Variants in ECM2 observed in about 807,000 individuals in gnomAD.
ECM2 encodes the protein extracellular matrix protein 2, female organ and adipocyte specific.
Under a neutral mutation model 67.5 loss-of-function variants are expected in ECM2, and 57 were observed. That is an observed-to-expected ratio of 0.84 (90% CI 0.68 to 1.05). The LOEUF (loss-of-function observed/expected upper bound fraction) is 1.05, where lower values mean the gene tolerates loss of function less well. Among genes scored for constraint, ECM2 ranks in the 50% least tolerant of loss-of-function variants. ECM2 has a pLI of 0.00. For synonymous variants in ECM2, 258 were observed against 294.5 expected (o/e 0.88, Z 1.27); for missense variants, 741 against 822.8 (o/e 0.90, Z 1.22).
chr9:92,533,358 T>TATATATATGCTTTGGG (rs1554683178), intron 1 of ECM2, among the ~76,000 whole-genome samples: 1 of 126,988 alleles, frequency 7.9e-6, no homozygotes, highest in East Asian at 2.5e-4. Context: ...TATATATATA[T>TATATATATGCTTTGGG]GCTTTGGGTC....
chr9:92,501,019 G>A lies in ECM2; in HGVS notation c.1639C>T (p.Leu547Phe). Residue 547 changes from leucine to phenylalanine, a missense_variant, in exon 9 of 10, where the codon CTC becomes TTC. Physicochemically the swap from Leu to Phe is conservative, Grantham distance 22 (BLOSUM62 0). Transcript: ENST00000344604. ...GGTAGATAGGACGGGACGTGATAGA[G>A]CTTGTTGTAGGAGAGATCAATGGAT... Reference protein sequence around the residue: ...LESIDLSYNKLYHVPSYLPKS... With the variant: ...LESIDLSYNKFYHVPSYLPKS... 6.2e-7 allele frequency: 1 copy of A among 1,614,174 alleles called. No individual in the cohort carries two copies. Among genetic ancestry groups the A allele is most frequent in the East Asian group, 2.2e-5 (1 of 44,888 alleles).
the ECM2 span, among the ~76,000 whole-genome samples, chr9:92,551,983 G>GA: frequency 0.016 from 923 of 56,210 alleles, 63 homozygotes; most frequent in African/African-American, 0.14. Flanking sequence ...ATATGTGTGT[G>GA]TATATATGTG....
At chr9:92,518,239 C>T (rs1002234911) in intron 2 of ECM2, among the ~76,000 whole-genome samples, 6 of 152,202 alleles carry the variant, frequency 3.9e-5, no homozygotes, top group Admixed American at 1.3e-4. Context: ...CACAGGGGCT[C>T]AGCTCATCAT....
At chr9:92,529,482 A>G (rs776168277) in intron 1 of ECM2, among the ~76,000 whole-genome samples, 10 of 152,218 alleles carry the variant, frequency 6.6e-5, no homozygotes, top group African/African-American at 1.9e-4. Context: ...ATGAAAATCT[A>G]TGTCCACACA....
downstream of ECM2, chr9:92,493,977 C>T (rs1846241996): frequency 2.7e-6 from 3 of 1,095,410 alleles, no homozygotes; most frequent in African/African-American, 1.6e-5. Context: ...GCCGTAGTCT[C>T]CTGGCGGCCC....
chr9:92,499,626 C>A (rs1040454082), intron 9 of ECM2, among the ~76,000 whole-genome samples: 1 of 152,184 alleles, frequency 6.6e-6, no homozygotes, highest in Non-Finnish European at 1.5e-5. Context: ...AAGCATATGG[C>A]ACAACCTGTG....
chr9:92,526,046 A>G (rs1848390224), intron 1 of ECM2, among the ~76,000 whole-genome samples: 1 of 152,148 alleles, frequency 6.6e-6, no homozygotes, highest in Admixed American at 6.6e-5. Flanking sequence ...TTAAACAAAC[A>G]TTAACTGCGC....
At chr9:92,505,427 A>C in intron 7 of ECM2, 106 bp downstream of exon 7, 1 of 1,029,050 alleles carries the variant, frequency 9.7e-7, no homozygotes, top group Non-Finnish European at 1.4e-6. Flanking sequence ...ATACAGCATG[A>C]AACTAGAGTT....
the ECM2 span, among the ~76,000 whole-genome samples, chr9:92,552,040 ATAT>A: frequency 1.1e-4 from 10 of 93,718 alleles, 1 homozygote; most frequent in African/African-American, 3.2e-4. Flanking sequence ...CATATATGTG[ATAT>A]TATAGGTCTA....
chr9:92,519,469 T>C (rs1847929360), intron 2 of ECM2, among the ~76,000 whole-genome samples: 1 of 152,216 alleles, frequency 6.6e-6, no homozygotes, highest in Admixed American at 6.5e-5. Context: ...AGTATAAGCA[T>C]AGACGTATAG....
At chr9:92,546,462 T>C in the ECM2 span, among the ~76,000 whole-genome samples, 1 of 152,156 alleles carries the variant, frequency 6.6e-6, no homozygotes, top group African/African-American at 2.4e-5. Context: ...GCTTCGCTCC[T>C]GAAGCCAGCG....
intron 2 of ECM2, 124 bp downstream of exon 2, chr9:92,522,451 G>A: frequency 9.1e-7 from 1 of 1,101,614 alleles, no homozygotes; most frequent in South Asian, 2.0e-5. Flanking sequence ...TAATAACCTG[G>A]ATTTTTCTTT....
intron 3 of ECM2, among the ~76,000 whole-genome samples, chr9:92,516,064 C>CT (rs869200958): frequency 3.4e-5 from 5 of 148,756 alleles, no homozygotes; most frequent in Non-Finnish European, 6.0e-5. Context: ...ACAGTGCATA[C>CT]TTTTTTTTCC....
the ECM2 span, among the ~76,000 whole-genome samples, chr9:92,546,337 C>T: frequency 6.6e-6 from 1 of 152,200 alleles, no homozygotes; most frequent in Non-Finnish European, 1.5e-5. Flanking sequence ...CAGAGGTCCC[C>T]TTCCACTGTG....
At chr9:92,537,001 G>T (rs563962496), upstream of ECM2, among the ~76,000 whole-genome samples, 38 of 151,604 alleles carry the variant, frequency 2.5e-4, no homozygotes, top group African/African-American at 9.2e-4. Context: ...TCCCGAGTAG[G>T]TGGGCTTAAA....
intron 4 of ECM2, among the ~76,000 whole-genome samples, chr9:92,514,274 C>CTTTTTT (rs1044226766): frequency 2.3e-5 from 3 of 130,748 alleles, no homozygotes; most frequent in South Asian, 2.5e-4. Flanking sequence ...GAGTCATTTA[C>CTTTTTT]TTTTTTTTTT....
intron 7 of ECM2, among the ~76,000 whole-genome samples, chr9:92,504,231 G>A (rs1006696020): frequency 1.3e-5 from 2 of 152,186 alleles, no homozygotes; most frequent in African/African-American, 4.8e-5. Context: ...TATTTCTTAA[G>A]AACCCAGGAG....
intron 1 of ECM2, among the ~76,000 whole-genome samples, chr9:92,527,588 C>T (rs978631754): frequency 6.6e-6 from 1 of 152,152 alleles, no homozygotes; most frequent in East Asian, 1.9e-4. Context: ...TGCTTCACAA[C>T]CTAAGACAAG....
At chr9:92,493,892 A>G (rs7869742), downstream of ECM2, 164,946 of 406,704 alleles carry the variant, frequency 0.41, 39,212 homozygotes, top group African/African-American at 0.81. Flanking sequence ...GAAGCGACAT[A>G]CACAGCAAGC....
Sources: allele counts gnomAD v4.1 joint callset (sites outside exome capture counted in the v4.1 genomes callset), GRCh38; gene constraint gnomAD v4.1.1; transcripts MANE v1.5; gene names NCBI Gene and HGNC (gene_info 2026-07-23, HGNC 2026-07-21).